FHIT: variants seen among roughly 807,000 people sequenced by gnomAD.
FHIT encodes the protein fragile histidine triad diadenosine triphosphatase, also known as bis(5'-adenosyl)-triphosphatase.
FHIT carries 19 observed loss-of-function variants against 17.9 expected under a neutral mutation model. That is an observed-to-expected ratio of 1.06 (90% CI 0.74 to 1.56). The LOEUF (loss-of-function observed/expected upper bound fraction) is 1.56. FHIT is among the 40% of genes most tolerant of loss of function. FHIT has a pLI of 0.00. For synonymous variants in FHIT, 81 were observed against 69.7 expected, an observed-to-expected ratio of 1.16 and a Z score of -0.81; for missense variants, 248 against 189.2, an observed-to-expected ratio of 1.31 and a Z score of -1.82.
At chr3:60,128,439 GC>G (rs1293578769) in intron 5 of FHIT, among the ~76,000 whole-genome samples, 1 of 152,126 alleles carries the variant, frequency 6.6e-6, no homozygotes, top group African/African-American at 2.4e-5. Flanking sequence ...GTTTCCTGAG[GC>G]CTCTCCAGCC....
At chr3:60,724,980 T>A (rs1553709035) in intron 4 of FHIT, among the ~76,000 whole-genome samples, 1 of 152,062 alleles carries the variant, frequency 6.6e-6, no homozygotes, top group Non-Finnish European at 1.5e-5. Context: ...ACCGTCTTAG[T>A]GGGTGTGATG....
At chr3:61,179,587 G>A (rs1253196073) in intron 2 of FHIT, among the ~76,000 whole-genome samples, 2 of 151,210 alleles carry the variant, frequency 1.3e-5, no homozygotes, top group Non-Finnish European at 1.5e-5. Context: ...GCATACCTGT[G>A]GCCCTAGCTA....
chr3:59,782,748 T>G (rs1051208798), intron 8 of FHIT, among the ~76,000 whole-genome samples: 1 of 152,172 alleles, frequency 6.6e-6, no homozygotes, highest in African/African-American at 2.4e-5. Flanking sequence ...ACAAACAGAC[T>G]CCAAGCTTGC....
chr3:61,138,660 A>G (rs11720347), intron 2 of FHIT, among the ~76,000 whole-genome samples: 41,473 of 152,124 alleles, frequency 0.27, 6,005 homozygotes, highest in East Asian at 0.45. Context: ...CGTGGCTTGA[A>G]GTTGAAATCA....
chr3:60,175,604 G>A (rs922039456), intron 5 of FHIT, among the ~76,000 whole-genome samples: 6 of 152,134 alleles, frequency 3.9e-5, no homozygotes, highest in African/African-American at 1.2e-4. Flanking sequence ...GCATACTTCA[G>A]AAAGGAGAGG....
At chr3:60,375,473 G>C (rs1163984777) in intron 5 of FHIT, among the ~76,000 whole-genome samples, 1 of 151,950 alleles carries the variant, frequency 6.6e-6, no homozygotes, top group Non-Finnish European at 1.5e-5. Flanking sequence ...TATTCAGGAG[G>C]CTGAGGCACA....
At chr3:60,237,950 A>G (rs1388138105) in intron 5 of FHIT, among the ~76,000 whole-genome samples, 2 of 152,000 alleles carry the variant, frequency 1.3e-5, no homozygotes, top group African/African-American at 4.8e-5. Flanking sequence ...AGCCTGGCCA[A>G]CATGGTGAAA....
chr3:61,008,025 G>C (rs537227760), intron 3 of FHIT, among the ~76,000 whole-genome samples: 8 of 152,124 alleles, frequency 5.3e-5, no homozygotes, highest in Non-Finnish European at 8.8e-5. Flanking sequence ...CCACAACCTT[G>C]GTAGCTTCTT....
At chr3:59,902,318 G>A (rs1704366052) in intron 8 of FHIT, among the ~76,000 whole-genome samples, 1 of 152,128 alleles carries the variant, frequency 6.6e-6, no homozygotes, top group South Asian at 2.1e-4. Flanking sequence ...TGCTGAGGGT[G>A]TGTAGAAAAG....
chr3:60,541,293 AT>A, intron 4 of FHIT, among the ~76,000 whole-genome samples: 1 of 152,288 alleles, frequency 6.6e-6, no homozygotes, highest in Middle Eastern at 3.4e-3. Flanking sequence ...AGTGCTTCAG[AT>A]ATTTGGAGTT....
At chr3:60,525,966 G>A (rs905018392) in intron 5 of FHIT, among the ~76,000 whole-genome samples, 1 of 151,934 alleles carries the variant, frequency 6.6e-6, no homozygotes, top group Non-Finnish European at 1.5e-5. Context: ...AGCTGGGCGT[G>A]GTGGCCCACA....
At chr3:60,805,922 A>G (rs1701368829) in intron 4 of FHIT, among the ~76,000 whole-genome samples, 1 of 152,146 alleles carries the variant, frequency 6.6e-6, no homozygotes, top group Non-Finnish European at 1.5e-5. Context: ...CACATTAGGG[A>G]TTCAGGCTTC....
At chr3:60,524,327 G>C (rs542238273) in intron 5 of FHIT, among the ~76,000 whole-genome samples, 9 of 152,196 alleles carry the variant, frequency 5.9e-5, no homozygotes, top group African/African-American at 2.2e-4. Context: ...AAGATAATGG[G>C]AAAGACTATT....
chr3:60,109,576 C>A (rs558718313), intron 5 of FHIT, among the ~76,000 whole-genome samples: 2 of 152,096 alleles, frequency 1.3e-5, no homozygotes, highest in Non-Finnish European at 2.9e-5. Flanking sequence ...CAAAGCAGAA[C>A]AGAGAAAGGG....
intron 2 of FHIT, among the ~76,000 whole-genome samples, chr3:61,111,978 G>T (rs565417816): frequency 6.6e-6 from 1 of 152,204 alleles, no homozygotes; most frequent in East Asian, 1.9e-4. Context: ...TTGCAGGCAT[G>T]GGCACATTCA....
intron 1 of FHIT, among the ~76,000 whole-genome samples, chr3:61,211,337 G>A (rs998003965): frequency 1.4e-4 from 21 of 152,140 alleles, no homozygotes; most frequent in East Asian, 1.9e-4. Flanking sequence ...AAGAAACGGC[G>A]CACCAGAAGA....
intron 8 of FHIT, among the ~76,000 whole-genome samples, chr3:59,788,928 C>A (rs1213166260): frequency 8.8e-6 from 1 of 114,236 alleles, no homozygotes; most frequent in South Asian, 3.2e-4. Flanking sequence ...TCTTGCAGAT[C>A]AATGCCTGAG....
chr3:60,941,250 T>C (rs1321921580), intron 3 of FHIT, among the ~76,000 whole-genome samples: 1 of 152,114 alleles, frequency 6.6e-6, no homozygotes, highest in African/African-American at 2.4e-5. Flanking sequence ...AAACCATTAC[T>C]CCCAAACTCT....
At chr3:60,253,806 G>C (rs996905272) in intron 5 of FHIT, among the ~76,000 whole-genome samples, 49 of 152,096 alleles carry the variant, frequency 3.2e-4, no homozygotes, top group African/African-American at 1.2e-3. Context: ...TAAAACACCA[G>C]GACAAAACGT....
Sources: allele counts gnomAD v4.1 joint callset (sites outside exome capture counted in the v4.1 genomes callset), GRCh38; gene constraint gnomAD v4.1.1; transcripts MANE v1.5; gene names NCBI Gene and HGNC (gene_info 2026-07-23, HGNC 2026-07-21).